The following SLC38A6 variants were observed in gnomAD, a reference collection of about 807,000 sequenced individuals.
The protein encoded by SLC38A6 is solute carrier family 38 member 6, also known as N system amino acid transporter NAT-1.
SLC38A6 carries 73 observed loss-of-function variants against 65.0 expected under a neutral mutation model. That is an observed-to-expected ratio of 1.12 (90% confidence interval 0.93 to 1.37). The LOEUF is 1.37. SLC38A6 is among the 40% of genes most tolerant of loss of function. SLC38A6 has a pLI of 0.00. For missense variants in SLC38A6, 561 were observed against 531.1 expected (o/e 1.06, Z -0.55); for synonymous variants, 183 against 178.8 (o/e 1.02, Z -0.19).
intron 8 of SLC38A6, among the ~76,000 whole-genome samples, chr14:61,040,216 G>C (rs993471718): frequency 1.3e-5 from 2 of 151,858 alleles, no homozygotes; most frequent in Admixed American, 6.6e-5. Context: ...CAGTCACCCA[G>C]ACTGGAGTGC....
Position 61,046,182 on chromosome 14 carries a change from A to T in SLC38A6, c.925+15A>T, listed in dbSNP as rs2042135805. ...CACTTTTTATGGTAAGTACATTTTA[A>T]AATTATAGATGACAAAATAATAGTT... On this transcript the variant is annotated intron_variant, in intron 12 of 15. Transcript: ENST00000267488. 1 of 1,492,238 alleles carries T rather than the reference A, an allele frequency of 6.7e-7. No homozygotes were observed. Among genetic ancestry groups the T allele is most frequent in the Non-Finnish European group, 9.3e-7 (1 of 1,075,282 alleles). 92.4% of individuals were successfully genotyped at this position (1,492,238 alleles called of 1,614,324 possible). A position where few individuals can be genotyped will look rare whatever the true frequency, so the allele number is the denominator to read the frequency against.
Position 61,045,425 on chromosome 14 carries a change from G to A in SLC38A6, c.824G>A (p.Ser275Asn). 6.2e-7 allele frequency: 1 copy of A among 1,601,332 alleles called. No individual in the cohort carries two copies. The highest frequency in any genetic ancestry group is 8.5e-7 in the Non-Finnish European group (1 of 1,169,810). Reference protein sequence around the residue: ...SILPIYCELQSPSKKRMQNVT... With the variant: ...SILPIYCELQNPSKKRMQNVT... ...TTGCCCATATACTGTGAACTTCAAA[G>A]GTACTGTAGAATCCTGGAATATTTT... The change falls in exon 11 of 16, where the codon AGT (serine) becomes AAT (asparagine). Residue 275 changes from serine to asparagine, a missense_variant and splice_region_variant. Physicochemically the swap from Ser to Asn is conservative, Grantham distance 46. Coordinates refer to ENST00000267488, the MANE Select transcript of SLC38A6 (RefSeq NM_153811.3).
At chr14:61,031,186 C>T (rs1042556593) in intron 6 of SLC38A6, 4 of 152,020 alleles carry the variant, frequency 2.6e-5, no homozygotes, top group African/African-American at 9.7e-5. Flanking sequence ...GTACTTTTCA[C>T]TGTGTAGAAC....
chr14:61,066,690 A>G (rs1396029376), intron 15 of SLC38A6, among the ~76,000 whole-genome samples: 3 of 152,238 alleles, frequency 2.0e-5, no homozygotes, highest in African/African-American at 7.2e-5. Context: ...GTCCTGCTGC[A>G]GAACCACATA....
chr14:61,024,729 A>G (rs1338120109), intron 5 of SLC38A6, among the ~76,000 whole-genome samples: 2 of 152,216 alleles, frequency 1.3e-5, no homozygotes, highest in Non-Finnish European at 2.9e-5. Flanking sequence ...AATTATCACT[A>G]GAAATCAAAC....
At chr14:61,057,853 G>C (rs1293631097) in intron 15 of SLC38A6, among the ~76,000 whole-genome samples, 2 of 127,954 alleles carry the variant, frequency 1.6e-5, no homozygotes, top group Non-Finnish European at 3.3e-5. Flanking sequence ...TCTTGGGAGA[G>C]TGTATGTGTC....
chr14:61,046,415 G>A (rs1366399906), intron 12 of SLC38A6, among the ~76,000 whole-genome samples: 1 of 152,130 alleles, frequency 6.6e-6, no homozygotes, highest in Admixed American at 6.5e-5. Context: ...AAAACTTCAG[G>A]CTTAGGGACA....
intron 5 of SLC38A6, among the ~76,000 whole-genome samples, chr14:61,023,706 C>T (rs1173117487): frequency 2.0e-5 from 3 of 151,326 alleles, no homozygotes; most frequent in African/African-American, 7.3e-5. Flanking sequence ...CATTTAAATA[C>T]TTCTCAGTTT....
chr14:61,042,753 A>G (rs974015953), intron 8 of SLC38A6, among the ~76,000 whole-genome samples: 1 of 152,182 alleles, frequency 6.6e-6, no homozygotes, highest in African/African-American at 2.4e-5. Context: ...TGGCCTTTCC[A>G]TAAACTGCTG....
At chr14:61,062,004 ATTTTTTCTAT>A (rs2042861442) in intron 15 of SLC38A6, among the ~76,000 whole-genome samples, 1 of 151,666 alleles carries the variant, frequency 6.6e-6, no homozygotes. Context: ...CGCCTGGCTA[ATTTTTTCTAT>A]TTTTAGTAGA....
intron 3 of SLC38A6, among the ~76,000 whole-genome samples, chr14:60,988,593 A>C (rs938406209): frequency 5.9e-5 from 9 of 152,292 alleles, no homozygotes; most frequent in African/African-American, 1.4e-4. Flanking sequence ...ATTTGTTAGT[A>C]TCTGCCCATC....
chr14:61,027,980 C>T (rs1462940840), intron 5 of SLC38A6, among the ~76,000 whole-genome samples: 8 of 151,660 alleles, frequency 5.3e-5, no homozygotes, highest in Admixed American at 5.3e-4. Context: ...GAGAGAGAAA[C>T]ACGTTTGGTG....
At chr14:60,996,896 AC>A (rs1454566228) in intron 3 of SLC38A6, among the ~76,000 whole-genome samples, 1 of 152,198 alleles carries the variant, frequency 6.6e-6, no homozygotes, top group African/African-American at 2.4e-5. Context: ...AACTAGCCAA[AC>A]TGTTGCTTAA....
At chr14:61,069,280 G>C (rs528023824) in intron 15 of SLC38A6, among the ~76,000 whole-genome samples, 64 of 151,976 alleles carry the variant, frequency 4.2e-4, no homozygotes, top group African/African-American at 1.4e-3. Flanking sequence ...TGCTTTCATA[G>C]TATTACTCTC....
At chr14:61,006,716 C>G (rs1471331997) in intron 3 of SLC38A6, among the ~76,000 whole-genome samples, 1 of 152,216 alleles carries the variant, frequency 6.6e-6, no homozygotes, top group Non-Finnish European at 1.5e-5. Flanking sequence ...AACACTTACA[C>G]TGTTGGTGGG....
chr14:61,040,570 A>T (rs930869427), intron 8 of SLC38A6, among the ~76,000 whole-genome samples: 1 of 151,844 alleles, frequency 6.6e-6, no homozygotes, highest in African/African-American at 2.4e-5. Flanking sequence ...CGATCTCCAG[A>T]CCTCATGATC....
At chr14:61,047,705 G>A (rs1566705751) in intron 12 of SLC38A6, among the ~76,000 whole-genome samples, 1 of 152,032 alleles carries the variant, frequency 6.6e-6, no homozygotes. Flanking sequence ...ATTGCTGCTT[G>A]AACACAAAGG....
At chr14:60,989,672 T>G (rs1218309040) in intron 3 of SLC38A6, among the ~76,000 whole-genome samples, 1 of 152,152 alleles carries the variant, frequency 6.6e-6, no homozygotes, top group Non-Finnish European at 1.5e-5. Flanking sequence ...TGCAGTGAGC[T>G]GAGATCATGC....
chr14:60,988,277 C>T (rs553949911), intron 3 of SLC38A6, among the ~76,000 whole-genome samples: 4 of 152,294 alleles, frequency 2.6e-5, no homozygotes, highest in Admixed American at 6.5e-5. Flanking sequence ...CTTGAACCCC[C>T]CAGCTTTTAA....
Sources: gnomAD v4.1 joint callset for allele counts (sites outside exome capture counted in the v4.1 genomes callset) on GRCh38, gnomAD v4.1.1 for gene constraint, MANE v1.5 for transcripts, NCBI Gene and HGNC (gene_info 2026-07-23, HGNC 2026-07-21) for gene names.